The following DENND1A variants were observed in gnomAD, a reference collection of about 807,000 sequenced individuals.
DENND1A encodes DENN domain containing 1A.
In DENND1A, 51 loss-of-function variants were observed where a neutral mutation model predicts 113.7. That is an observed-to-expected ratio of 0.45 (90% confidence interval 0.36 to 0.57). The LOEUF (loss-of-function observed/expected upper bound fraction) is 0.57. Among genes scored for constraint, DENND1A ranks in the 20% least tolerant of loss-of-function variants. The pLI is 0.00. For synonymous variants in DENND1A, 565 were observed against 570.8 expected (o/e 0.99, Z 0.14); for missense variants, 1,258 against 1,395.9 (o/e 0.90, Z 1.57).
At chr9:123,754,049 TC>T (rs1291586268) in intron 5 of DENND1A, among the ~76,000 whole-genome samples, 1 of 152,138 alleles carries the variant, frequency 6.6e-6, no homozygotes, top group Non-Finnish European at 1.5e-5. Context: ...GAGAGCTACA[TC>T]CCTTGAGAAG....
intron 13 of DENND1A, among the ~76,000 whole-genome samples, chr9:123,556,690 G>A (rs2057434562): frequency 6.6e-6 from 1 of 152,244 alleles, no homozygotes; most frequent in African/African-American, 2.4e-5. Context: ...TCAAGACGAA[G>A]GCAGCCCTGT....
chr9:123,549,163 T>C (rs978751728), intron 13 of DENND1A, among the ~76,000 whole-genome samples: 1 of 152,202 alleles, frequency 6.6e-6, no homozygotes, highest in Non-Finnish European at 1.5e-5. Context: ...ACTCCCAACC[T>C]GTGTGGAGGG....
intron 19 of DENND1A, among the ~76,000 whole-genome samples, chr9:123,420,249 G>A (rs943542221): frequency 6.6e-6 from 1 of 152,210 alleles, no homozygotes; most frequent in Non-Finnish European, 1.5e-5. Flanking sequence ...CTGAGACAGA[G>A]GCTCTATTAT....
At chr9:123,852,329 G>A in intron 2 of DENND1A, among the ~76,000 whole-genome samples, 1 of 152,060 alleles carries the variant, frequency 6.6e-6, no homozygotes, top group Non-Finnish European at 1.5e-5. Context: ...GGGGACCTTG[G>A]GGAGGCTGAG....
intron 13 of DENND1A, among the ~76,000 whole-genome samples, chr9:123,549,254 G>A (rs1361899487): frequency 1.3e-5 from 2 of 151,984 alleles, no homozygotes; most frequent in African/African-American, 4.8e-5. Context: ...CTTTCTCCCG[G>A]TTTCCTTGCT....
intron 19 of DENND1A, among the ~76,000 whole-genome samples, chr9:123,435,063 G>C (rs1001133781): frequency 6.6e-6 from 1 of 152,206 alleles, no homozygotes; most frequent in Non-Finnish European, 1.5e-5. Flanking sequence ...GTCATTCACT[G>C]GGGTGGAAGA....
chr9:123,507,344 A>G (rs2053044235), intron 13 of DENND1A, among the ~76,000 whole-genome samples: 1 of 152,254 alleles, frequency 6.6e-6, no homozygotes, highest in Admixed American at 6.5e-5. Flanking sequence ...TATTATATAC[A>G]AAAGGATGAC....
intron 1 of DENND1A, among the ~76,000 whole-genome samples, chr9:123,909,296 T>C (rs1404485729): frequency 1.3e-5 from 2 of 151,240 alleles, no homozygotes; most frequent in East Asian, 1.9e-4. Context: ...CATGTATACA[T>C]ATGTAACTAA....
chr9:123,728,491 A>AC lies in DENND1A; in HGVS notation c.302+29211_302+29212insG, dbSNP rs1439612427. Among the ~76,000 whole-genome samples, 521 of 142,800 alleles carry AC rather than the reference A, an allele frequency of 3.6e-3. 8 individuals carry two copies. The highest frequency in any genetic ancestry group is 0.014 in the African/African-American group (513 of 37,902). The allele number at this position is 142,800 out of a possible 152,430, so 93.7% of individuals were successfully genotyped here. A position where few individuals can be genotyped will look rare whatever the true frequency, so the allele number is the denominator to read the frequency against. On this transcript the variant is annotated intron_variant, in intron 5 of 23. Transcript: ENST00000394215. ...AAACTCTGTCTCCCAAAAAAAAAAA[A>AC]AAAAAAAAAAAAAAAAAAACAGGCA...
rs568886983 is a variant in DENND1A at position 123,739,881 on chromosome 9, T to C, written c.302+17822A>G. On this transcript the variant is annotated intron_variant, in intron 5 of 23. Transcript: ENST00000394215. ...CTCTTCTACACACCAGAGTTCTTCA[T>C]CCTTTTCCAGAGTGTGTTCTTAATT... Among the ~76,000 whole-genome samples, 200 of 150,986 alleles carry C rather than the reference T, an allele frequency of 1.3e-3. 1 individual carries two copies. The highest frequency in any genetic ancestry group is 2.2e-3 in the Non-Finnish European group (149 of 67,864).
intron 19 of DENND1A, among the ~76,000 whole-genome samples, chr9:123,431,443 G>A (rs2046127037): frequency 6.6e-6 from 1 of 152,172 alleles, no homozygotes; most frequent in Non-Finnish European, 1.5e-5. Flanking sequence ...ACCCTCCTGG[G>A]ATCCTGAGCC....
chr9:123,818,186 G>C (rs1286325078), intron 2 of DENND1A, among the ~76,000 whole-genome samples: 1 of 151,710 alleles, frequency 6.6e-6, no homozygotes, highest in Non-Finnish European at 1.5e-5. Context: ...CTCACTGCAA[G>C]CTCCGCCTCC....
chr9:123,747,905 G>A (rs982674123), intron 5 of DENND1A, among the ~76,000 whole-genome samples: 2 of 151,870 alleles, frequency 1.3e-5, no homozygotes, highest in African/African-American at 4.8e-5. Context: ...TCTGTTCATT[G>A]TTTCAGAAGC....
At position 123,878,994 on chromosome 9, in the gene DENND1A, T is replaced by C. The variant is rs1204918494; in HGVS notation, c.45A>G (p.Val15=). The C allele has an allele frequency of 6.8e-6, 11 of 1,613,908 alleles. No homozygotes were observed. Among genetic ancestry groups the C allele is most frequent in the Non-Finnish European group, 9.3e-6 (11 of 1,179,918 alleles). The part of the protein sequence containing the change: ...IKQNPETTFE[V]YVEVAYPRTG... ...TCCTGGGATAGGCCACTTCAACATA[T>C]ACTTCAAATGTGGTCTCTGGATTCT... Residue 15 remains valine (V), a synonymous_variant, in exon 2 of 24, where the codon GTA becomes GTG. Coordinates refer to ENST00000394215, the MANE Select transcript of DENND1A (RefSeq NM_001352964.2).
chr9:123,657,149 T>G (rs145033619), intron 8 of DENND1A, among the ~76,000 whole-genome samples: 409 of 152,324 alleles, frequency 2.7e-3, no homozygotes, highest in Middle Eastern at 0.01. Context: ...CTTAGACTCT[T>G]GGCTCCCACT....
At chr9:123,768,920 C>G (rs975032947) in intron 4 of DENND1A, among the ~76,000 whole-genome samples, 2 of 149,780 alleles carry the variant, frequency 1.3e-5, no homozygotes, top group South Asian at 2.1e-4. Context: ...ATCTAAGAAA[C>G]AGTTTATCAC....
intron 13 of DENND1A, among the ~76,000 whole-genome samples, chr9:123,489,558 C>T (rs2051189909): frequency 6.6e-6 from 1 of 152,248 alleles, no homozygotes; most frequent in South Asian, 2.1e-4. Flanking sequence ...CCGAAGGCCC[C>T]AGTTACAGCT....
chr9:123,771,651 GA>G (rs1292358754), intron 3 of DENND1A, among the ~76,000 whole-genome samples: 1 of 152,214 alleles, frequency 6.6e-6, no homozygotes, highest in South Asian at 2.1e-4. Flanking sequence ...CTTTACAGCA[GA>G]GTCAAAGGAA....
At chr9:123,807,169 A>G (rs1272022454) in intron 2 of DENND1A, among the ~76,000 whole-genome samples, 1 of 152,214 alleles carries the variant, frequency 6.6e-6, no homozygotes, top group African/African-American at 2.4e-5. Context: ...ACTCATCAAA[A>G]TATCTAGCCA....
Sources: gnomAD v4.1 joint callset for allele counts (sites outside exome capture counted in the v4.1 genomes callset) on GRCh38, gnomAD v4.1.1 for gene constraint, MANE v1.5 for transcripts, NCBI Gene and HGNC (gene_info 2026-07-23, HGNC 2026-07-21) for gene names.